TMOD3: variants seen among roughly 807,000 people sequenced by gnomAD.
TMOD3 encodes tropomodulin-3.
TMOD3 carries 20 observed loss-of-function variants against 39.2 expected under a neutral mutation model. The ratio of observed to expected loss-of-function variants is 0.51; its 90% confidence interval spans 0.36 to 0.74. The LOEUF (loss-of-function observed/expected upper bound fraction) is 0.74. Among genes scored for constraint, TMOD3 ranks in the 30% least tolerant of loss-of-function variants. The probability of loss-of-function intolerance (pLI) is 0.00; values close to 1 mark genes in which losing one functional copy is unlikely to be tolerated. For missense variants in TMOD3, 381 were observed against 412.8 expected, an observed-to-expected ratio of 0.92 and a Z score of 0.67; for synonymous variants, 143 against 145.8, an observed-to-expected ratio of 0.98 and a Z score of 0.14.
chr15:51,842,852 C>G (rs1266507796), intron 1 of TMOD3, among the ~76,000 whole-genome samples: 2 of 152,148 alleles, frequency 1.3e-5, no homozygotes, highest in African/African-American at 4.8e-5. Flanking sequence ...AACTACTACT[C>G]CCTTTCAATC....
chr15:51,889,701 T>TA (rs1738454896), intron 5 of TMOD3, among the ~76,000 whole-genome samples: 1 of 152,028 alleles, frequency 6.6e-6, no homozygotes, highest in Non-Finnish European at 1.5e-5. Context: ...CCCCCATCTC[T>TA]AAAAAATTTT....
At chr15:51,832,232 T>TATATATATATATATATATATATA (rs2056260176) in intron 1 of TMOD3, among the ~76,000 whole-genome samples, 4 of 137,410 alleles carry the variant, frequency 2.9e-5, no homozygotes, top group Admixed American at 1.5e-4. Flanking sequence ...TATATATATA[T>TATATATATATATATATATATATA]GAATGACATG....
At chr15:51,853,528 A>G (rs2056372539) in intron 1 of TMOD3, among the ~76,000 whole-genome samples, 2 of 152,126 alleles carry the variant, frequency 1.3e-5, no homozygotes, top group Non-Finnish European at 2.9e-5. Flanking sequence ...CTGTCATTTT[A>G]TATATCTGAT....
intron 1 of TMOD3, among the ~76,000 whole-genome samples, chr15:51,858,946 AAG>A (rs1206627503): frequency 6.6e-6 from 1 of 152,212 alleles, no homozygotes; most frequent in African/African-American, 2.4e-5. Flanking sequence ...CTGAGGCAGG[AAG>A]GTCACTTGAA....
chr15:51,857,531 CTAATA>C (rs909306829), intron 1 of TMOD3, among the ~76,000 whole-genome samples: 1 of 152,086 alleles, frequency 6.6e-6, no homozygotes, highest in Non-Finnish European at 1.5e-5. Flanking sequence ...GCCTTTGCCC[CTAATA>C]TCTCATTCCT....
At chr15:51,880,177 C>G (rs1446998259) in intron 3 of TMOD3, among the ~76,000 whole-genome samples, 1 of 152,042 alleles carries the variant, frequency 6.6e-6, no homozygotes, top group East Asian at 1.9e-4. Flanking sequence ...TTAAGAAGTA[C>G]AAATATACTG....
At chr15:51,889,297 T>G in intron 5 of TMOD3, 152 bp downstream of exon 5, 1 of 583,974 alleles carries the variant, frequency 1.7e-6, no homozygotes, top group South Asian at 2.3e-5. Context: ...AAGAAAGCCA[T>G]TGAAAATAGA....
intron 3 of TMOD3, among the ~76,000 whole-genome samples, chr15:51,873,209 T>TC (rs1193382141): frequency 6.6e-6 from 1 of 152,216 alleles, no homozygotes; most frequent in African/African-American, 2.4e-5. Context: ...TTCATCTATG[T>TC]CTTATTAGAA....
At chr15:51,854,153 G>T (rs1050715892) in intron 1 of TMOD3, among the ~76,000 whole-genome samples, 1 of 152,190 alleles carries the variant, frequency 6.6e-6, no homozygotes, top group East Asian at 1.9e-4. Flanking sequence ...GTAGGTCAGG[G>T]ATGGGCAAAC....
intron 1 of TMOD3, among the ~76,000 whole-genome samples, chr15:51,851,757 G>A (rs111729831): frequency 1.5e-3 from 234 of 152,224 alleles, no homozygotes; most frequent in African/African-American, 5.2e-3. Flanking sequence ...CGTGCAGCTC[G>A]TGTTTTTATC....
chr15:51,877,197 AT>A (rs965851367), intron 3 of TMOD3, among the ~76,000 whole-genome samples: 164 of 151,952 alleles, frequency 1.1e-3, no homozygotes, highest in Non-Finnish European at 2.1e-3. Context: ...TGATAGACCG[AT>A]TTTTTTTCTT....
At chr15:51,908,628 TA>T (rs2056694215) in intron 9 of TMOD3, 147 bp from the exon 10 acceptor site, 3 of 451,004 alleles carry the variant, frequency 6.7e-6, no homozygotes, top group Non-Finnish European at 1.1e-5. Flanking sequence ...TTTTTTTTTT[TA>T]ATTAGTGGTC....
intron 9 of TMOD3, among the ~76,000 whole-genome samples, chr15:51,904,780 G>A (rs1012870462): frequency 6.6e-6 from 1 of 152,206 alleles, no homozygotes; most frequent in African/African-American, 2.4e-5. Context: ...GATGGGGTGT[G>A]GGGGGTGCAA....
chr15:51,871,110 AC>A (rs1365841356), intron 3 of TMOD3, among the ~76,000 whole-genome samples: 14 of 152,318 alleles, frequency 9.2e-5, no homozygotes, highest in African/African-American at 3.1e-4. Context: ...ATAGCTGGGC[AC>A]CACAGCCCAG....
At chr15:51,866,580 T>C (rs577279268) in intron 2 of TMOD3, among the ~76,000 whole-genome samples, 1 of 152,294 alleles carries the variant, frequency 6.6e-6, no homozygotes, top group Admixed American at 6.5e-5. Flanking sequence ...AGACTGTGTG[T>C]GTCACATGGG....
intron 1 of TMOD3, among the ~76,000 whole-genome samples, chr15:51,850,545 A>G (rs1481873046): frequency 6.6e-6 from 1 of 152,180 alleles, no homozygotes; most frequent in Non-Finnish European, 1.5e-5. Flanking sequence ...GAAGTAGAAA[A>G]AAGTCATCTA....
At chr15:51,894,643 C>T (rs1231129159) in intron 6 of TMOD3, among the ~76,000 whole-genome samples, 2 of 152,172 alleles carry the variant, frequency 1.3e-5, no homozygotes, top group Admixed American at 1.3e-4. Context: ...TTTGCCTTCT[C>T]CAGAATGTCA....
At chr15:51,903,863 G>A (rs2056664824) in intron 9 of TMOD3, among the ~76,000 whole-genome samples, 1 of 152,166 alleles carries the variant, frequency 6.6e-6, no homozygotes, top group South Asian at 2.1e-4. Context: ...AGAGCCTCAC[G>A]ACCATCACAT....
chr15:51,830,249 G>A (rs2056247687), intron 1 of TMOD3, among the ~76,000 whole-genome samples: 1 of 152,150 alleles, frequency 6.6e-6, no homozygotes, highest in Non-Finnish European at 1.5e-5. Context: ...TTGAAAGTGG[G>A]GCGGCGGAGT....
Sources: gnomAD v4.1 joint callset for allele counts (sites outside exome capture counted in the v4.1 genomes callset) on GRCh38, gnomAD v4.1.1 for gene constraint, MANE v1.5 for transcripts, NCBI Gene and HGNC (gene_info 2026-07-23, HGNC 2026-07-21) for gene names.